LRP1B: variants seen among roughly 807,000 people sequenced by gnomAD.
The protein encoded by LRP1B is low-density lipoprotein receptor-related protein 1B.
A neutral mutation model predicts 556.6 loss-of-function variants in LRP1B; 217 were observed. The ratio of observed to expected loss-of-function variants is 0.39; its 90% CI spans 0.35 to 0.44. The LOEUF (loss-of-function observed/expected upper bound fraction) is 0.44, where lower values mean the gene tolerates loss of function less well. Among genes scored for constraint, LRP1B ranks in the 20% least tolerant of loss-of-function variants. The probability of loss-of-function intolerance (pLI) is 1.00; values close to 1 mark genes in which losing one functional copy is unlikely to be tolerated. For missense variants in LRP1B, 5,053 were observed against 5,620.8 expected (o/e 0.90, Z 3.23); for synonymous variants, 2,047 against 1,865.8 (o/e 1.10, Z -2.50).
chr2:141,482,507 T>C (rs1379292956), intron 2 of LRP1B, among the ~76,000 whole-genome samples: 1 of 151,994 alleles, frequency 6.6e-6, no homozygotes, highest in Non-Finnish European at 1.5e-5. Flanking sequence ...CATATATATA[T>C]GTGTGTGTGC....
intron 21 of LRP1B, among the ~76,000 whole-genome samples, chr2:140,915,054 A>G (rs1694534066): frequency 6.6e-6 from 1 of 152,164 alleles, no homozygotes; most frequent in South Asian, 2.1e-4. Flanking sequence ...GCATAAACTA[A>G]GAAATCTTTC....
At chr2:141,532,427 G>A (rs925714224) in intron 2 of LRP1B, among the ~76,000 whole-genome samples, 2 of 151,676 alleles carry the variant, frequency 1.3e-5, no homozygotes, top group African/African-American at 2.4e-5. Flanking sequence ...CTATCTACAC[G>A]TTTGAAAGAC....
chr2:141,953,926 C>T (rs927542256), intron 1 of LRP1B, among the ~76,000 whole-genome samples: 8 of 152,006 alleles, frequency 5.3e-5, no homozygotes, highest in African/African-American at 1.9e-4. Flanking sequence ...TGAATTAAAC[C>T]TCACTTACCC....
intron 1 of LRP1B, among the ~76,000 whole-genome samples, chr2:141,946,167 G>A (rs1000842193): frequency 1.3e-5 from 2 of 151,802 alleles, no homozygotes; most frequent in African/African-American, 4.8e-5. Flanking sequence ...GCTTTCACTG[G>A]TGCTCTGTCT....
At chr2:141,257,046 A>G (rs1369669431) in intron 3 of LRP1B, among the ~76,000 whole-genome samples, 1 of 152,092 alleles carries the variant, frequency 6.6e-6, no homozygotes, top group Non-Finnish European at 1.5e-5. Context: ...AAAGTCTCAC[A>G]AAACCTAAGG....
chr2:140,442,658 G>A, intron 65 of LRP1B, 35 bp from the exon 66 acceptor site: 1 of 1,605,796 alleles, frequency 6.2e-7, no homozygotes, highest in Non-Finnish European at 8.5e-7. Flanking sequence ...ATGTAGCTTT[G>A]GAGAACATAT....
intron 11 of LRP1B, among the ~76,000 whole-genome samples, chr2:141,033,357 T>C (rs77703682): frequency 0.11 from 16,061 of 151,820 alleles, 935 homozygotes; most frequent in East Asian, 0.22. Context: ...CAGGAAGTCA[T>C]TGGAAAGTTG....
intron 2 of LRP1B, among the ~76,000 whole-genome samples, chr2:141,482,784 C>T (rs1297867493): frequency 1.3e-5 from 2 of 151,970 alleles, no homozygotes; most frequent in African/African-American, 4.8e-5. Flanking sequence ...GCATAAATGT[C>T]CAAGAAATGT....
At chr2:142,130,460 T>G (rs1045101788) in intron 1 of LRP1B, among the ~76,000 whole-genome samples, 188 bp downstream of exon 1, 1 of 152,166 alleles carries the variant, frequency 6.6e-6, no homozygotes, top group African/African-American at 2.4e-5. Flanking sequence ...TGCCGAGGAC[T>G]CAGGCACTTG....
At chr2:141,872,044 T>A (rs1016384481) in intron 1 of LRP1B, among the ~76,000 whole-genome samples, 1 of 151,900 alleles carries the variant, frequency 6.6e-6, no homozygotes, top group Non-Finnish European at 1.5e-5. Flanking sequence ...ATTCTCAGAA[T>A]AAGACATGTC....
At chr2:140,835,201 G>GA (rs1257784681) in intron 31 of LRP1B, among the ~76,000 whole-genome samples, 2 of 152,158 alleles carry the variant, frequency 1.3e-5, no homozygotes, top group Non-Finnish European at 1.5e-5. Flanking sequence ...CATCTGTTGA[G>GA]AAAATCTACG....
At chr2:140,541,718 C>A (rs1251150160) in intron 44 of LRP1B, 61 bp downstream of exon 44, 2 of 1,268,494 alleles carry the variant, frequency 1.6e-6, no homozygotes, top group Non-Finnish European at 2.2e-6. Flanking sequence ...AACATATATA[C>A]ATTTTTAGAG....
At chr2:141,237,676 T>C (rs561583410) in intron 5 of LRP1B, among the ~76,000 whole-genome samples, 37 of 152,210 alleles carry the variant, frequency 2.4e-4, no homozygotes, top group Non-Finnish European at 4.7e-4. Flanking sequence ...AATGTGATAA[T>C]TGAGAAGCAA....
At chr2:140,439,404 G>A (rs990755865) in intron 66 of LRP1B, among the ~76,000 whole-genome samples, 1 of 152,008 alleles carries the variant, frequency 6.6e-6, no homozygotes, top group East Asian at 1.9e-4. Flanking sequence ...AGACACCTTC[G>A]AGTAAATAGA....
At chr2:141,381,365 G>GAA (rs578203777) in intron 3 of LRP1B, among the ~76,000 whole-genome samples, 2,030 of 132,834 alleles carry the variant, frequency 0.015, 50 homozygotes, top group African/African-American at 0.053. Flanking sequence ...AGTCAAAAGA[G>GAA]AAAAAAAAAA....
In LRP1B at chr2:140,949,007, ACTGT is replaced by A. The variant is rs149072214; in HGVS notation, c.3136+1224_3136+1227del. 2.7e-3 allele frequency among the ~76,000 whole-genome samples: 418 copies of A among 152,318 alleles called. 1 individual carries two copies. The highest frequency in any genetic ancestry group is 8.9e-3 in the African/African-American group (372 of 41,578). ...CTATGTGGGAGAAAACAATTTAGAC[ACTGT>A]CTATCTTATAGGTTGACAAATATTG... On this transcript the variant is annotated intron_variant, in intron 20 of 90. Transcript: ENST00000389484.
intron 32 of LRP1B, among the ~76,000 whole-genome samples, chr2:140,809,342 G>T (rs1690837799): frequency 6.6e-6 from 1 of 152,014 alleles, no homozygotes; most frequent in South Asian, 2.1e-4. Context: ...AAAAATAAAA[G>T]ATATGTCACA....
intron 22 of LRP1B, 139 bp downstream of exon 22, chr2:140,907,738 T>C: frequency 1.3e-6 from 1 of 772,478 alleles, no homozygotes; most frequent in Non-Finnish European, 2.2e-6. Flanking sequence ...GTCTGAGAAA[T>C]GTAGACAAGG....
chr2:141,531,335 T>C (rs931941295), intron 2 of LRP1B, among the ~76,000 whole-genome samples: 1 of 152,140 alleles, frequency 6.6e-6, no homozygotes. Flanking sequence ...CTGAAAGCCG[T>C]ATGTCTATTT....
Sources: gnomAD v4.1 joint callset for allele counts (sites outside exome capture counted in the v4.1 genomes callset) on GRCh38, gnomAD v4.1.1 for gene constraint, MANE v1.5 for transcripts, NCBI Gene and HGNC (gene_info 2026-07-23, HGNC 2026-07-21) for gene names.